PROS1: variants seen among roughly 807,000 people sequenced by gnomAD.
PROS1 encodes the protein protein S, also known as vitamin K-dependent protein S.
PROS1 carries 29 observed loss-of-function variants against 75.9 expected under a neutral mutation model. That is an observed-to-expected ratio of 0.38 (90% CI 0.28 to 0.52). PROS1 has a LOEUF of 0.52. Ranked by LOEUF, PROS1 falls within the 20% of genes least tolerant of loss-of-function variation. The probability of loss-of-function intolerance (pLI) is 0.83; values close to 1 mark genes in which losing one functional copy is unlikely to be tolerated. For synonymous variants in PROS1, 245 were observed against 280.6 expected, an observed-to-expected ratio of 0.87 and a Z score of 1.27; for missense variants, 680 against 810.3, an observed-to-expected ratio of 0.84 and a Z score of 1.95.
At chr3:93,886,910 C>A (rs200003790) in intron 10 of PROS1, among the ~76,000 whole-genome samples, 3 of 130,584 alleles carry the variant, frequency 2.3e-5, no homozygotes, top group Non-Finnish European at 4.9e-5. Flanking sequence ...TAAATAAGTT[C>A]TTTTTTTTTT....
intron 10 of PROS1, among the ~76,000 whole-genome samples, chr3:93,888,478 A>T (rs1708383427): frequency 6.6e-6 from 1 of 152,194 alleles, no homozygotes; most frequent in South Asian, 2.1e-4. Context: ...GTATATGTGA[A>T]GGTAGTTTAT....
intron 14 of PROS1, 131 bp from the exon 15 acceptor site, chr3:93,874,536 T>C: frequency 8.0e-7 from 1 of 1,248,716 alleles, no homozygotes; most frequent in Non-Finnish European, 1.1e-6. Flanking sequence ...ATAGTGAAAT[T>C]CTATTCCATA....
intron 4 of PROS1, among the ~76,000 whole-genome samples, chr3:93,909,051 A>C (rs1708716509): frequency 6.6e-6 from 1 of 152,236 alleles, no homozygotes; most frequent in Non-Finnish European, 1.5e-5. Context: ...AAACCATAAA[A>C]ACACTAAACA....
intron 1 of PROS1, among the ~76,000 whole-genome samples, chr3:93,954,659 G>T (rs1179819531): frequency 6.6e-6 from 1 of 152,142 alleles, no homozygotes; most frequent in Non-Finnish European, 1.5e-5. Flanking sequence ...TCAGGACATA[G>T]GCATGGTCAA....
chr3:93,927,954 TGTGTATATATATATG>T, intron 1 of PROS1, among the ~76,000 whole-genome samples: 1 of 137,874 alleles, frequency 7.3e-6, no homozygotes, highest in African/African-American at 2.7e-5. Context: ...TATATATACT[TGTGTATATATATATG>T]TGTGTATATA....
rs1708583870 is a variant in PROS1 at position 93,900,911 on chromosome 3, A to G, written c.620T>C (p.Leu207Ser). Residue 207 changes from leucine (L) to serine (S), a missense_variant, in exon 7 of 15, where the codon TTG (leucine) becomes TCG (serine). Leu to Ser is a moderately radical substitution (Grantham distance 145, BLOSUM62 -2). Coordinates refer to ENST00000394236, the MANE Select transcript of PROS1 (RefSeq NM_000313.4). Reference sequence around the variant, plus strand: ...AGCTGTGCCACAAATGCTTGGCTTCAAAGAGCATTCATCCACATCTATAAA... The same window carrying G: ...AGCTGTGCCACAAATGCTTGGCTTCGAAGAGCATTCATCCACATCTATAAA... ...KDCKDVDECS[L>S]KPSICGTAVC... The G allele has an allele frequency of 6.2e-7, 1 of 1,613,974 alleles. No individual in the cohort carries two copies. Among genetic ancestry groups the G allele is most frequent in the Non-Finnish European group, 8.5e-7 (1 of 1,179,966 alleles).
intron 6 of PROS1, among the ~76,000 whole-genome samples, chr3:93,904,541 C>A (rs1708645842): frequency 6.6e-6 from 1 of 151,916 alleles, no homozygotes; most frequent in South Asian, 2.1e-4. Context: ...AACATGAATC[C>A]AATTTAGGGC....
At chr3:93,902,595 A>G (rs758092992) in intron 6 of PROS1, among the ~76,000 whole-genome samples, 1 of 152,004 alleles carries the variant, frequency 6.6e-6, no homozygotes, top group Non-Finnish European at 1.5e-5. Context: ...TTTACCAAAA[A>G]ATACAAAATT....
intron 1 of PROS1, among the ~76,000 whole-genome samples, chr3:93,934,228 A>AATG (rs1335283565): frequency 1.3e-5 from 2 of 151,930 alleles, no homozygotes; most frequent in Non-Finnish European, 2.9e-5. Flanking sequence ...TAATAATAAT[A>AATG]ATGGTAAAAA....
In PROS1 at chr3:93,877,209, G is replaced by T. The variant is rs1708204049; in HGVS notation, c.1645-18C>A. The T allele has an allele frequency of 6.4e-7, 1 of 1,554,580 alleles. No homozygotes were observed. Among genetic ancestry groups the T allele is most frequent in the Non-Finnish European group, 8.9e-7 (1 of 1,126,536 alleles). Reference sequence around the variant, plus strand: ...AGAATATCCTGAAGAGCAGAGCAAAGATTCAATATAAGCAAGGAGTAAGAG... The same window carrying T: ...AGAATATCCTGAAGAGCAGAGCAAATATTCAATATAAGCAAGGAGTAAGAG... On this transcript the variant is annotated intron_variant, in intron 13 of 14. Coordinates refer to ENST00000394236, the MANE Select transcript of PROS1 (RefSeq NM_000313.4).
chr3:93,926,706 C>T (rs1414242872), intron 2 of PROS1, among the ~76,000 whole-genome samples: 3 of 152,232 alleles, frequency 2.0e-5, no homozygotes, highest in Non-Finnish European at 2.9e-5. Context: ...AACTAGCATG[C>T]ATGCGTGCGC....
chr3:93,973,553 C>T, intron 1 of PROS1, 121 bp downstream of exon 1: 1 of 1,003,964 alleles, frequency 1.0e-6, no homozygotes, highest in Non-Finnish European at 1.5e-6. Context: ...GGGTGTCTGT[C>T]GGTACTTACT....
chr3:93,945,565 A>T (rs531807740), intron 1 of PROS1, among the ~76,000 whole-genome samples: 2 of 152,226 alleles, frequency 1.3e-5, no homozygotes, highest in Non-Finnish European at 2.9e-5. Context: ...AAACCACATG[A>T]TTATCTCAAT....
chr3:93,936,164 G>T (rs1709180433), intron 1 of PROS1, among the ~76,000 whole-genome samples: 1 of 151,826 alleles, frequency 6.6e-6, no homozygotes, highest in Non-Finnish European at 1.5e-5. Context: ...TTGGAGACAG[G>T]TCCTTTAAGG....
chr3:93,940,252 A>T (rs182158668), intron 1 of PROS1, among the ~76,000 whole-genome samples: 1 of 152,042 alleles, frequency 6.6e-6, no homozygotes, highest in East Asian at 1.9e-4. Context: ...GCCTTCCCAG[A>T]TTTTCTCAGC....
At chr3:93,887,294 TAA>T (rs1271415072) in intron 10 of PROS1, among the ~76,000 whole-genome samples, 3 of 152,208 alleles carry the variant, frequency 2.0e-5, no homozygotes, top group Non-Finnish European at 2.9e-5. Context: ...ATTTTTTCTT[TAA>T]AATTCAAAAG....
intron 3 of PROS1, among the ~76,000 whole-genome samples, chr3:93,919,744 A>G (rs1002559059): frequency 7.2e-5 from 11 of 151,990 alleles, no homozygotes; most frequent in Non-Finnish European, 7.4e-5. Flanking sequence ...TCTTTATTCC[A>G]TCTAGAATTC....
intron 1 of PROS1, among the ~76,000 whole-genome samples, chr3:93,965,255 C>A (rs1336519592): frequency 1.3e-5 from 2 of 152,192 alleles, no homozygotes; most frequent in African/African-American, 4.8e-5. Context: ...ACGGCTCAAG[C>A]TGAGCTTTTG....
intron 6 of PROS1, among the ~76,000 whole-genome samples, chr3:93,902,612 G>C (rs1005142249): frequency 6.6e-6 from 1 of 151,922 alleles, no homozygotes; most frequent in African/African-American, 2.4e-5. Context: ...AATTGGACAG[G>C]CGTGGTGGCA....
Sources: gnomAD v4.1 joint callset for allele counts (sites outside exome capture counted in the v4.1 genomes callset) on GRCh38, gnomAD v4.1.1 for gene constraint, MANE v1.5 for transcripts, NCBI Gene and HGNC (gene_info 2026-07-23, HGNC 2026-07-21) for gene names.